DIAPH3: variants seen among roughly 807,000 people sequenced by gnomAD.
DIAPH3 encodes protein diaphanous homolog 3.
In DIAPH3, 117 loss-of-function variants were observed where a neutral mutation model predicts 144.3. The ratio of observed to expected loss-of-function variants is 0.81; its 90% CI spans 0.70 to 0.95. The LOEUF (loss-of-function observed/expected upper bound fraction) is 0.95. DIAPH3 is among the 40% of genes least tolerant of loss of function. The probability of loss-of-function intolerance (pLI) is 0.00; values close to 1 mark genes in which losing one functional copy is unlikely to be tolerated. For synonymous variants in DIAPH3, 519 were observed against 488.9 expected (o/e 1.06, Z -0.81); for missense variants, 1,421 against 1,412.7 (o/e 1.01, Z -0.09).
chr13:59,851,320 C>T (rs1006873436), intron 22 of DIAPH3, among the ~76,000 whole-genome samples: 1 of 152,156 alleles, frequency 6.6e-6, no homozygotes, highest in African/African-American at 2.4e-5. Flanking sequence ...CTTGCTTTTC[C>T]CTTTGCCTGG....
At chr13:59,676,091 T>C (rs918406570) in intron 27 of DIAPH3, among the ~76,000 whole-genome samples, 3 of 152,244 alleles carry the variant, frequency 2.0e-5, no homozygotes, top group Non-Finnish European at 4.4e-5. Flanking sequence ...CTGAATAACT[T>C]ATGCTATTTC....
Position 59,843,889 on chromosome 13 carries a change from G to GCCAT in DIAPH3, c.2738-4442_2738-4441insATGG, listed in dbSNP as rs1451985230. ...ATTCCCTTGCTGTATTTATAAGTCG[G>GCCAT]ATCTGAATAATGGGAACACATGGAC... On this transcript the variant is annotated intron_variant, in intron 22 of 27. Transcript: ENST00000400324. Among the ~76,000 whole-genome samples the GCCAT allele has an allele frequency of 1.1e-4, 16 of 152,222 alleles. No individual in the cohort carries two copies. The South Asian group carries it at 3.3e-3, about 32-fold the overall frequency.
At chr13:59,975,381 A>G (rs1383971852) in intron 14 of DIAPH3, among the ~76,000 whole-genome samples, 1 of 152,032 alleles carries the variant, frequency 6.6e-6, no homozygotes, top group Non-Finnish European at 1.5e-5. Context: ...TAATAACACT[A>G]AGAGGCAGTT....
chr13:60,103,083 C>T (rs1489668250), intron 3 of DIAPH3, among the ~76,000 whole-genome samples: 1 of 152,008 alleles, frequency 6.6e-6, no homozygotes, highest in East Asian at 1.9e-4. Context: ...TTTAGGGACC[C>T]TAACTCCCTA....
intron 15 of DIAPH3, among the ~76,000 whole-genome samples, chr13:59,974,093 C>T (rs1343053725): frequency 6.6e-6 from 1 of 151,920 alleles, no homozygotes; most frequent in African/African-American, 2.4e-5. Flanking sequence ...ACTCTTTATG[C>T]TGAATTACTT....
At chr13:59,709,321 G>A (rs2034601210) in intron 27 of DIAPH3, among the ~76,000 whole-genome samples, 1 of 151,940 alleles carries the variant, frequency 6.6e-6, no homozygotes, top group Admixed American at 6.5e-5. Flanking sequence ...TACAAAATGG[G>A]AGAAAATTTT....
At chr13:59,722,055 T>G (rs1485322565) in intron 27 of DIAPH3, among the ~76,000 whole-genome samples, 1 of 152,190 alleles carries the variant, frequency 6.6e-6, no homozygotes, top group Non-Finnish European at 1.5e-5. Context: ...TATATAAAAC[T>G]GCTGTCAAAA....
chr13:60,127,269 T>C (rs1021673124), intron 2 of DIAPH3, among the ~76,000 whole-genome samples: 11 of 151,996 alleles, frequency 7.2e-5, no homozygotes, highest in Non-Finnish European at 1.5e-4. Context: ...AAAATTTAGA[T>C]TTAACAATAT....
chr13:59,733,352 G>A (rs909407528), intron 27 of DIAPH3, among the ~76,000 whole-genome samples: 12 of 151,990 alleles, frequency 7.9e-5, no homozygotes, highest in South Asian at 4.1e-4. Flanking sequence ...CTTAATTTCC[G>A]TAAAATCTTT....
intron 21 of DIAPH3, among the ~76,000 whole-genome samples, chr13:59,865,001 G>C (rs536496599): frequency 6.6e-6 from 1 of 151,986 alleles, no homozygotes; most frequent in African/African-American, 2.4e-5. Flanking sequence ...GCATGTTGTT[G>C]ATCATGCATG....
chr13:60,046,275 T>C (rs1398642501), intron 4 of DIAPH3, among the ~76,000 whole-genome samples: 1 of 152,168 alleles, frequency 6.6e-6, no homozygotes, highest in Non-Finnish European at 1.5e-5. Context: ...GAATAGGATA[T>C]TATATGTCCC....
intron 4 of DIAPH3, among the ~76,000 whole-genome samples, chr13:60,055,290 C>T (rs2141264884): frequency 6.6e-6 from 1 of 152,004 alleles, no homozygotes; most frequent in African/African-American, 2.4e-5. Context: ...TGACACACAA[C>T]ATTCTCTTAT....
chr13:59,729,808 A>ATTTTTTTTTTTTT (rs202135165), intron 27 of DIAPH3, among the ~76,000 whole-genome samples: 8 of 115,182 alleles, frequency 6.9e-5, no homozygotes, highest in African/African-American at 2.1e-4. Context: ...GAATACATTA[A>ATTTTTTTTTTTTT]TATTTTTTTT....
At chr13:59,976,799 C>T (rs771460655) in intron 14 of DIAPH3, among the ~76,000 whole-genome samples, 1 of 151,812 alleles carries the variant, frequency 6.6e-6, no homozygotes, top group Non-Finnish European at 1.5e-5. Flanking sequence ...AGCTTCTCAT[C>T]TGAATTCCAG....
chr13:60,157,300 G>A (rs1045455383), intron 1 of DIAPH3, among the ~76,000 whole-genome samples: 2 of 152,072 alleles, frequency 1.3e-5, no homozygotes, highest in Non-Finnish European at 2.9e-5. Flanking sequence ...CTTGTCTTCA[G>A]GCTAGCTATC....
intron 17 of DIAPH3, among the ~76,000 whole-genome samples, chr13:59,953,753 A>G (rs1412394051): frequency 6.6e-6 from 1 of 152,198 alleles, no homozygotes; most frequent in Non-Finnish European, 1.5e-5. Context: ...TGCCAGACTG[A>G]GAAGTCCCTT....
At chr13:59,675,504 C>T (rs562598946) in intron 27 of DIAPH3, among the ~76,000 whole-genome samples, 3 of 152,150 alleles carry the variant, frequency 2.0e-5, no homozygotes, top group Admixed American at 6.5e-5. Flanking sequence ...CCTGCCTCAG[C>T]CTCCTGAGTA....
At chr13:59,727,429 C>T (rs916089961) in intron 27 of DIAPH3, among the ~76,000 whole-genome samples, 4 of 152,196 alleles carry the variant, frequency 2.6e-5, no homozygotes, top group African/African-American at 9.7e-5. Context: ...GAGTCATTAT[C>T]AACATCCATC....
At chr13:59,705,721 A>G (rs1233308598) in intron 27 of DIAPH3, among the ~76,000 whole-genome samples, 1 of 152,196 alleles carries the variant, frequency 6.6e-6, no homozygotes, top group Non-Finnish European at 1.5e-5. Context: ...ATACACACTG[A>G]AAGTTAAGAA....
Sources: gnomAD v4.1 joint callset for allele counts (sites outside exome capture counted in the v4.1 genomes callset) on GRCh38, gnomAD v4.1.1 for gene constraint, MANE v1.5 for transcripts, NCBI Gene and HGNC (gene_info 2026-07-23, HGNC 2026-07-21) for gene names.